The following SVIL variants were observed in gnomAD, a reference collection of about 807,000 sequenced individuals.
The protein encoded by SVIL is supervillin, also known as archvillin.
Under a neutral mutation model 240.4 loss-of-function variants are expected in SVIL, and 101 were observed. The ratio of observed to expected loss-of-function variants is 0.42; its 90% confidence interval spans 0.36 to 0.50. SVIL has a LOEUF of 0.50. SVIL is among the 20% of genes least tolerant of loss of function. The pLI is 0.01. For missense variants in SVIL, 2,512 were observed against 2,818.7 expected, an observed-to-expected ratio of 0.89 and a Z score of 2.46; for synonymous variants, 999 against 1,100.0, an observed-to-expected ratio of 0.91 and a Z score of 1.82.
At chr10:29,566,361 C>T (rs12767009) in intron 2 of SVIL, among the ~76,000 whole-genome samples, 9,275 of 152,234 alleles carry the variant, frequency 0.061, 353 homozygotes, top group Admixed American at 0.12. Context: ...GTCCTGTCTC[C>T]GCTGCCTCTC....
intron 2 of SVIL, among the ~76,000 whole-genome samples, chr10:29,675,461 G>A (rs766278918): frequency 2.0e-5 from 3 of 152,124 alleles, no homozygotes; most frequent in Non-Finnish European, 2.9e-5. Flanking sequence ...CTACAATTGT[G>A]CCACTGCACT....
At chr10:29,567,519 G>A (rs10763724) in intron 2 of SVIL, among the ~76,000 whole-genome samples, 40,359 of 152,102 alleles carry the variant, frequency 0.27, 5,421 homozygotes, top group East Asian at 0.33. Context: ...TGGCACACAG[G>A]CTGTCATTTT....
At chr10:29,629,302 A>G (rs1957994743) in intron 1 of SVIL, among the ~76,000 whole-genome samples, 1 of 152,188 alleles carries the variant, frequency 6.6e-6, no homozygotes, top group South Asian at 2.1e-4. Flanking sequence ...CCTCCTCGGA[A>G]GCCCCCTTCG....
intron 1 of SVIL, among the ~76,000 whole-genome samples, chr10:29,697,164 C>T (rs1194553789): frequency 4.4e-5 from 4 of 90,398 alleles, no homozygotes; most frequent in Admixed American, 1.2e-4. Flanking sequence ...CGCCCCCTCC[C>T]GGCCAGCCGC....
intron 29 of SVIL, among the ~76,000 whole-genome samples, chr10:29,478,182 T>G (rs1445152011): frequency 6.6e-6 from 1 of 152,198 alleles, no homozygotes; most frequent in African/African-American, 2.4e-5. Context: ...ATTATTGTCT[T>G]TGGCAACCAG....
intron 29 of SVIL, among the ~76,000 whole-genome samples, chr10:29,477,502 C>T (rs183417690): frequency 6.6e-6 from 1 of 152,282 alleles, no homozygotes. Context: ...GGAGGCTGTA[C>T]CACCTGTGCA....
intron 32 of SVIL, among the ~76,000 whole-genome samples, chr10:29,468,085 C>T (rs1240915076): frequency 6.6e-6 from 1 of 152,148 alleles, no homozygotes; most frequent in East Asian, 1.9e-4. Context: ...TTTTCATCTC[C>T]CGGAAGAAGA....
At chr10:29,736,513 G>T (rs1373671121), upstream of SVIL, among the ~76,000 whole-genome samples, 2 of 152,108 alleles carry the variant, frequency 1.3e-5, no homozygotes, top group Non-Finnish European at 2.9e-5. Context: ...TCGCTCTGTC[G>T]CCCGAGTGAA....
intron 3 of SVIL, among the ~76,000 whole-genome samples, chr10:29,644,786 G>A (rs1282493267): frequency 1.3e-5 from 2 of 152,126 alleles, no homozygotes; most frequent in Admixed American, 6.5e-5. Flanking sequence ...TTGACAGCAC[G>A]AGTGGGAACT....
intron 13 of SVIL, among the ~76,000 whole-genome samples, 184 bp downstream of exon 13, chr10:29,526,777 A>G (rs578035532): frequency 6.6e-6 from 1 of 152,344 alleles, no homozygotes; most frequent in Non-Finnish European, 1.5e-5. Context: ...ATGTTTTCCC[A>G]CGCACGCCAG....
upstream of SVIL, chr10:29,736,756 C>T: frequency 6.6e-6 from 1 of 152,408 alleles, no homozygotes; most frequent in Non-Finnish European, 1.5e-5. Flanking sequence ...GCCGGGGGTG[C>T]ACACTAGCGC....
At chr10:29,496,431 G>T (rs1176332195) in intron 18 of SVIL, 3 of 455,452 alleles carry the variant, frequency 6.6e-6, no homozygotes, top group South Asian at 4.7e-5. Context: ...CATCAGAGGA[G>T]TTCATTAGCA....
chr10:29,551,460 T>C (rs1382220984), intron 5 of SVIL, among the ~76,000 whole-genome samples, 197 bp from the exon 6 acceptor site: 1 of 152,236 alleles, frequency 6.6e-6, no homozygotes, highest in African/African-American at 2.4e-5. Context: ...CAGTGAAATC[T>C]ACAAAGGCTG....
chr10:29,557,953 AT>A (rs770772374), intron 3 of SVIL, among the ~76,000 whole-genome samples: 5 of 152,214 alleles, frequency 3.3e-5, no homozygotes, highest in Non-Finnish European at 5.9e-5. Flanking sequence ...CTGCCGCAGG[AT>A]GTTGAATGTC....
intron 1 of SVIL, among the ~76,000 whole-genome samples, chr10:29,590,064 G>A (rs747922212): frequency 5.3e-5 from 8 of 150,926 alleles, no homozygotes; most frequent in Admixed American, 2.6e-4. Flanking sequence ...CTACTCAGGA[G>A]GCTGAGGCAG....
intron 17 of SVIL, among the ~76,000 whole-genome samples, chr10:29,509,800 A>C (rs1473929458): frequency 6.6e-6 from 1 of 152,150 alleles, no homozygotes; most frequent in Non-Finnish European, 1.5e-5. Context: ...CGGTGAGCCG[A>C]GATTGTGCCA....
chr10:29,460,282 T>G (rs1333152739), intron 36 of SVIL, among the ~76,000 whole-genome samples: 1 of 152,178 alleles, frequency 6.6e-6, no homozygotes, highest in Admixed American at 6.5e-5. Flanking sequence ...TGTAAAGTGC[T>G]TGGAGATGTG....
chr10:29,590,726 GA>G, intron 1 of SVIL, among the ~76,000 whole-genome samples: 1 of 152,288 alleles, frequency 6.6e-6, no homozygotes, highest in South Asian at 2.1e-4. Flanking sequence ...GAAATATGCT[GA>G]AATACCTTTA....
chr10:29,527,702 G>A (rs531778319), intron 12 of SVIL, among the ~76,000 whole-genome samples: 1 of 149,198 alleles, frequency 6.7e-6, no homozygotes, highest in African/African-American at 2.5e-5. Context: ...TGGGATTACA[G>A]GTGTAAGCCA....
Sources: allele counts gnomAD v4.1 joint callset (sites outside exome capture counted in the v4.1 genomes callset), GRCh38; gene constraint gnomAD v4.1.1; transcripts MANE v1.5; gene names NCBI Gene and HGNC (gene_info 2026-07-23, HGNC 2026-07-21).